The following TRPS1 variants were observed in gnomAD, a reference collection of about 807,000 sequenced individuals.
TRPS1 encodes transcriptional repressor GATA binding 1.
In TRPS1, 6 loss-of-function variants were observed where a neutral mutation model predicts 101.2. That is an observed-to-expected ratio of 0.06 (90% CI 0.03 to 0.12). The LOEUF (loss-of-function observed/expected upper bound fraction) is 0.12. Among genes scored for constraint, TRPS1 ranks in the 10% least tolerant of loss-of-function variants. The pLI is 1.00. For missense variants in TRPS1, 1,363 were observed against 1,567.0 expected (o/e 0.87, Z 2.20); for synonymous variants, 578 against 589.8 (o/e 0.98, Z 0.29).
intron 3 of TRPS1, among the ~76,000 whole-genome samples, chr8:115,606,274 T>C (rs1818036329): frequency 6.6e-6 from 1 of 152,200 alleles, no homozygotes; most frequent in South Asian, 2.1e-4. Context: ...ATTGAAGTAT[T>C]CTTTTTGCTA....
At chr8:115,546,158 A>G (rs1816565178) in intron 5 of TRPS1, among the ~76,000 whole-genome samples, 1 of 151,846 alleles carries the variant, frequency 6.6e-6, no homozygotes, top group Non-Finnish European at 1.5e-5. Context: ...AATAAATAAC[A>G]TGCAACAAAT....
chr8:115,428,177 C>T (rs544889555), intron 5 of TRPS1, among the ~76,000 whole-genome samples: 1 of 152,200 alleles, frequency 6.6e-6, no homozygotes, highest in South Asian at 2.1e-4. Context: ...TATTTGGTAT[C>T]ATTTTTATTC....
In TRPS1 at chr8:115,414,284, A is replaced by ACCT. The variant is rs1812858499; in HGVS notation, c.3621_3623dup (p.Gly1208dup). ...TCTCTGTTTTTACTACATTCAAGGGACCTTCATTTTTTACATTTGGTGGTG... is the reference window on the plus strand; with the variant it reads ...TCTCTGTTTTTACTACATTCAAGGGACCTCCTTCATTTTTTACATTTGGTGGTG... On this transcript the variant is annotated inframe_insertion, in exon 7 of 7. Transcript: ENST00000395715. The surrounding 1 kb of genome is among the most constrained non-coding windows in gnomAD (Gnocchi z 4.8). 11 of 1,613,802 alleles carry ACCT rather than the reference A, an allele frequency of 6.8e-6. No individual in the cohort carries two copies. Among genetic ancestry groups the ACCT allele is most frequent in the Non-Finnish European group, 8.5e-7 (1 of 1,179,948 alleles).
At chr8:115,611,281 A>G (rs1818158086) in intron 3 of TRPS1, among the ~76,000 whole-genome samples, 1 of 152,154 alleles carries the variant, frequency 6.6e-6, no homozygotes. Flanking sequence ...CATAATGGAG[A>G]TATGTCAGAA....
intron 5 of TRPS1, among the ~76,000 whole-genome samples, chr8:115,423,683 CAAT>C (rs1220024108): frequency 6.6e-6 from 1 of 152,092 alleles, no homozygotes; most frequent in Admixed American, 6.5e-5. Flanking sequence ...ATGCGGGTAA[CAAT>C]AGTTGAAATT....
At chr8:115,621,867 G>C (rs1227454219) in intron 2 of TRPS1, among the ~76,000 whole-genome samples, 2 of 151,372 alleles carry the variant, frequency 1.3e-5, no homozygotes, top group African/African-American at 4.9e-5. Flanking sequence ...AGTGAGCCAA[G>C]ATCATGCCAT....
At chr8:115,453,658 G>A (rs1813939206) in intron 5 of TRPS1, among the ~76,000 whole-genome samples, 2 of 151,442 alleles carry the variant, frequency 1.3e-5, no homozygotes, top group Non-Finnish European at 2.9e-5. Context: ...AACTACTAGA[G>A]AAACTCATGA....
rs1321860686 is a variant in TRPS1, at chr8:115,414,414, T to C, written c.3494A>G (p.His1165Arg). ...VPYPTFNLPP[H>R]FSAVGSDNDI... ...ATTGTCTGATCCAACAGCTGAAAAA[T>C]GAGGAGGCAGATTGAAGGTGGGATA... is the stretch of plus-strand genomic sequence containing the variant. Residue 1165 changes from histidine (H) to arginine (R), a missense_variant, in exon 7 of 7, where the codon CAT becomes CGT. His to Arg is a conservative substitution (Grantham distance 29, BLOSUM62 0). Transcript: ENST00000395715. This position sits in a 1 kb window ranked among gnomAD's most constrained non-coding sequence, Gnocchi z 4.8. The C allele has an allele frequency of 5.0e-6, 8 of 1,613,728 alleles. No individual in the cohort carries two copies. Among genetic ancestry groups the C allele is most frequent in the Non-Finnish European group, 6.8e-6 (8 of 1,179,960 alleles).
At position 115,418,699 on chromosome 8, in the gene TRPS1, G is replaced by GTT. The variant is rs2129770725; in HGVS notation, c.2701-248_2701-247insAA. Among the ~76,000 whole-genome samples the GTT allele has an allele frequency of 6.6e-6, 1 of 152,278 alleles. No individual in the cohort carries two copies. Among genetic ancestry groups the GTT allele is most frequent in the African/African-American group, 2.4e-5 (1 of 41,572 alleles). On this transcript the variant is annotated intron_variant, in intron 5 of 6. Transcript: ENST00000395715. This position sits in a 1 kb window ranked among gnomAD's most constrained non-coding sequence, Gnocchi z 4.3. ...TTCACAGAAACAGCTTTAACTTTTT[G>GTT]AACTTTGGGTTTTATGGCTTTAATG...
In TRPS1 at chr8:115,653,687, A is replaced by C. The variant is rs966078044; in HGVS notation, c.-122+14858T>G. On this transcript the variant is annotated intron_variant, in intron 1 of 6. Coordinates refer to ENST00000395715, the MANE Select transcript of TRPS1 (RefSeq NM_014112.5). ...CAACCAAAAAAGAAAACAAAACAAA[A>C]CAAAAAAGACAAGGCTGCCTTCTGG... Among the ~76,000 whole-genome samples, 6 of 151,686 alleles carry C rather than the reference A, an allele frequency of 4.0e-5. No individual in the cohort carries two copies. In the East Asian group the frequency reaches 1.2e-3, roughly 29 times the overall value.
intron 5 of TRPS1, among the ~76,000 whole-genome samples, chr8:115,480,679 G>A (rs756883442): frequency 4.0e-5 from 6 of 151,774 alleles, no homozygotes; most frequent in African/African-American, 7.3e-5. Flanking sequence ...GCCATTTTTC[G>A]GCATACATAT....
chr8:115,615,411 C>A (rs546303468), intron 3 of TRPS1, among the ~76,000 whole-genome samples: 33 of 152,248 alleles, frequency 2.2e-4, no homozygotes, highest in African/African-American at 7.0e-4. Flanking sequence ...CAGCAAAGGC[C>A]GCGTTGTTAA....
intron 3 of TRPS1, among the ~76,000 whole-genome samples, chr8:115,610,514 C>T (rs1482412909): frequency 1.3e-5 from 2 of 152,108 alleles, no homozygotes; most frequent in African/African-American, 4.8e-5. Context: ...CCATCCATAG[C>T]TTATTTCTGA....
rs773161265 is a variant in TRPS1 at position 115,604,055 on chromosome 8, G to C, written c.1914C>G (p.Asp638Glu). 3 of 1,613,894 alleles carry C rather than the reference G, an allele frequency of 1.9e-6. No individual in the cohort carries two copies. The highest frequency in any genetic ancestry group is 1.3e-5 in the African/African-American group (1 of 74,880). ...QCHQCSFTTP[D>E]VDVLLFHYES... ...CATAGTGAAAGAGGAGTACATCTAC[G>C]TCAGGGGTGGTGAATGAACACTGAT... The change falls in exon 4 of 7, where the codon GAC (aspartate) becomes GAG (glutamate). Residue 638 changes from aspartate to glutamate, a missense_variant. Asp to Glu is a conservative substitution (Grantham distance 45). Transcript: ENST00000395715. This position sits in a 1 kb window ranked among gnomAD's most constrained non-coding sequence, Gnocchi z 4.1.
At chr8:115,463,914 A>T (rs1814252394) in intron 5 of TRPS1, among the ~76,000 whole-genome samples, 1 of 151,738 alleles carries the variant, frequency 6.6e-6, no homozygotes, top group Admixed American at 6.6e-5. Flanking sequence ...TAAAATAACT[A>T]ATATAACACT....
At chr8:115,523,417 G>A (rs1001301774) in intron 5 of TRPS1, among the ~76,000 whole-genome samples, 2 of 152,058 alleles carry the variant, frequency 1.3e-5, no homozygotes, top group Non-Finnish European at 2.9e-5. Flanking sequence ...GTGGGTACAT[G>A]TGAAAGTTTA....
intron 4 of TRPS1, among the ~76,000 whole-genome samples, chr8:115,602,387 G>A (rs1015938068): frequency 2.0e-5 from 3 of 152,158 alleles, no homozygotes; most frequent in Admixed American, 1.3e-4. Flanking sequence ...TGATGTCTGC[G>A]AGCCTCAGAA....
At chr8:115,565,409 T>C (rs905572008) in intron 5 of TRPS1, among the ~76,000 whole-genome samples, 5 of 152,104 alleles carry the variant, frequency 3.3e-5, no homozygotes, top group South Asian at 2.1e-4. Context: ...ATGGTTCATA[T>C]TGCCGAGAAG....
chr8:115,459,435 A>G (rs1226378876), intron 5 of TRPS1, among the ~76,000 whole-genome samples: 2 of 152,088 alleles, frequency 1.3e-5, no homozygotes, highest in Non-Finnish European at 2.9e-5. Context: ...CCAATTGTTG[A>G]TATTTCTAAG....
Sources: gnomAD v4.1 joint callset for allele counts (sites outside exome capture counted in the v4.1 genomes callset) on GRCh38, gnomAD v4.1.1 for gene constraint, Gnocchi (gnomAD v3.1) non-coding constraint, MANE v1.5 for transcripts, NCBI Gene and HGNC (gene_info 2026-07-23, HGNC 2026-07-21) for gene names.